Variants in MACROD2 observed in about 807,000 individuals in gnomAD.
MACROD2 encodes ADP-ribose glycohydrolase MACROD2.
A neutral mutation model predicts 70.4 loss-of-function variants in MACROD2; 36 were observed. That is an observed-to-expected ratio of 0.51 (90% CI 0.39 to 0.68). The LOEUF is 0.68. MACROD2 is among the 30% of genes least tolerant of loss of function. The pLI is 0.00. For missense variants in MACROD2, 496 were observed against 538.4 expected, an observed-to-expected ratio of 0.92 and a Z score of 0.78; for synonymous variants, 172 against 178.8, an observed-to-expected ratio of 0.96 and a Z score of 0.30.
At chr20:15,218,648 CTCTT>C (rs762286209) in intron 5 of MACROD2, among the ~76,000 whole-genome samples, 4 of 152,106 alleles carry the variant, frequency 2.6e-5, no homozygotes, top group Non-Finnish European at 4.4e-5. Context: ...TCTTTGCAAA[CTCTT>C]TAAGAAGTGC....
chr20:15,900,098 C>A (rs1222061077), intron 10 of MACROD2, among the ~76,000 whole-genome samples: 2 of 151,994 alleles, frequency 1.3e-5, no homozygotes, highest in Non-Finnish European at 2.9e-5. Flanking sequence ...TTCAGAATGC[C>A]ATGCAGCAGT....
At position 14,228,899 on chromosome 20, in the gene MACROD2, C is replaced by G. The variant is rs193175678; in HGVS notation, c.271+143171C>G. 4.8e-4 allele frequency among the ~76,000 whole-genome samples: 72 copies of G among 149,962 alleles called. 1 individual carries two copies. In the East Asian group the frequency reaches 0.012, roughly 25 times the overall value. On this transcript the variant is annotated intron_variant, in intron 3 of 17. Transcript: ENST00000684519. ...GCACACGCCCATAATCCCAGCTACT[C>G]AGGAGGTTGAGGCACAAGAATTGCT... is the stretch of plus-strand genomic sequence containing the variant.
intron 8 of MACROD2, among the ~76,000 whole-genome samples, chr20:15,809,410 G>T (rs548562702): frequency 2.0e-5 from 3 of 152,114 alleles, no homozygotes; most frequent in African/African-American, 7.2e-5. Flanking sequence ...ATTAGCTCAC[G>T]GTTCTGCAGG....
intron 8 of MACROD2, among the ~76,000 whole-genome samples, chr20:15,841,178 C>G (rs1372364409): frequency 6.6e-6 from 1 of 152,054 alleles, no homozygotes; most frequent in Non-Finnish European, 1.5e-5. Flanking sequence ...ACAGAATGAG[C>G]TAAGCAAAGG....
chr20:14,168,851 C>T (rs1226946558), intron 3 of MACROD2, among the ~76,000 whole-genome samples: 1 of 152,152 alleles, frequency 6.6e-6, no homozygotes, highest in Non-Finnish European at 1.5e-5. Flanking sequence ...CTAAATCATT[C>T]TGTAAAGCCA....
At chr20:15,168,506 CCAT>C (rs1412859264) in intron 5 of MACROD2, among the ~76,000 whole-genome samples, 1 of 146,936 alleles carries the variant, frequency 6.8e-6, no homozygotes, top group African/African-American at 2.5e-5. Flanking sequence ...TGAATTATTT[CCAT>C]CATTTAAAAA....
intron 10 of MACROD2, among the ~76,000 whole-genome samples, chr20:15,919,987 C>G (rs1167167501): frequency 6.6e-6 from 1 of 152,122 alleles, no homozygotes; most frequent in African/African-American, 2.4e-5. Context: ...CTGCTCCATA[C>G]AGTAATTATA....
chr20:14,376,835 G>A (rs1258674579), intron 3 of MACROD2, among the ~76,000 whole-genome samples: 1 of 150,894 alleles, frequency 6.6e-6, no homozygotes, highest in Non-Finnish European at 1.5e-5. Context: ...ACTTCCCTTT[G>A]GCTCTGGTTT....
intron 2 of MACROD2, among the ~76,000 whole-genome samples, chr20:14,071,678 A>G (rs1020040581): frequency 2.6e-5 from 4 of 152,252 alleles, no homozygotes; most frequent in African/African-American, 4.8e-5. Flanking sequence ...ACAGGATTAC[A>G]TGATATCTCT....
intron 5 of MACROD2, among the ~76,000 whole-genome samples, chr20:14,802,328 T>C (rs554002051): frequency 1.3e-5 from 2 of 152,234 alleles, no homozygotes; most frequent in Admixed American, 1.3e-4. Context: ...TGAACATCTT[T>C]ACATTAATTG....
chr20:15,582,075 T>TC (rs2048532415), intron 8 of MACROD2, among the ~76,000 whole-genome samples: 1 of 150,828 alleles, frequency 6.6e-6, no homozygotes, highest in African/African-American at 2.4e-5. Context: ...TGAGCCGAGA[T>TC]CATGCCACTG....
intron 3 of MACROD2, among the ~76,000 whole-genome samples, chr20:14,488,882 C>G (rs2084763556): frequency 6.6e-6 from 1 of 152,138 alleles, no homozygotes; most frequent in Non-Finnish European, 1.5e-5. Context: ...AAACCAGGAC[C>G]AGCTGTAGCT....
At chr20:15,537,562 C>T (rs2047894121) in intron 8 of MACROD2, among the ~76,000 whole-genome samples, 1 of 151,188 alleles carries the variant, frequency 6.6e-6, no homozygotes, top group Admixed American at 6.6e-5. Context: ...CAACCTCCAC[C>T]TCCCAGGTTC....
At chr20:15,287,518 G>T (rs1010008332) in intron 6 of MACROD2, among the ~76,000 whole-genome samples, 5 of 152,300 alleles carry the variant, frequency 3.3e-5, no homozygotes, top group African/African-American at 1.2e-4. Flanking sequence ...AGGACAGAGA[G>T]ACTTAATGTA....
intron 2 of MACROD2, among the ~76,000 whole-genome samples, chr20:14,052,891 T>C (rs1405341133): frequency 6.6e-6 from 1 of 152,130 alleles, no homozygotes; most frequent in Non-Finnish European, 1.5e-5. Flanking sequence ...CTTACAGCAG[T>C]TGGAACTTAC....
At chr20:15,969,733 T>C (rs2066200873) in intron 13 of MACROD2, among the ~76,000 whole-genome samples, 1 of 152,002 alleles carries the variant, frequency 6.6e-6, no homozygotes, top group African/African-American at 2.4e-5. Flanking sequence ...CAAGTACAGT[T>C]GGAGTCCCAG....
intron 9 of MACROD2, among the ~76,000 whole-genome samples, chr20:15,881,103 G>A (rs950660988): frequency 2.0e-5 from 3 of 151,996 alleles, no homozygotes; most frequent in African/African-American, 2.4e-5. Flanking sequence ...CTGTATCTTC[G>A]TAATGGGTAC....
chr20:15,797,527 CA>C (rs2063686027), intron 8 of MACROD2, among the ~76,000 whole-genome samples: 1 of 137,188 alleles, frequency 7.3e-6, no homozygotes, highest in African/African-American at 2.9e-5. Context: ...ATCGGATGGT[CA>C]TTTTTTATCA....
chr20:15,185,926 A>G (rs1294095612), intron 5 of MACROD2, among the ~76,000 whole-genome samples: 2 of 152,200 alleles, frequency 1.3e-5, no homozygotes, highest in East Asian at 1.9e-4. Flanking sequence ...GCAGTATTAT[A>G]TATCACTCAC....
Sources: allele counts gnomAD v4.1 joint callset (sites outside exome capture counted in the v4.1 genomes callset), GRCh38; gene constraint gnomAD v4.1.1; transcripts MANE v1.5; gene names NCBI Gene and HGNC (gene_info 2026-07-23, HGNC 2026-07-21).